Variants in PRH1 observed in about 807,000 individuals in gnomAD.
PRH1 encodes salivary acidic proline-rich phosphoprotein 1/2.
A neutral mutation model predicts 7.9 loss-of-function variants in PRH1; 7 were observed. That is an observed-to-expected ratio of 0.89 (90% CI 0.50 to 1.67). The LOEUF (loss-of-function observed/expected upper bound fraction) is 1.67. PRH1 is among the 40% of genes most tolerant of loss of function. The pLI is 0.00. For synonymous variants in PRH1, 45 were observed against 80.8 expected (o/e 0.56, Z 2.38); for missense variants, 109 against 223.6 (o/e 0.49, Z 3.27).
chr12:11,097,828 C>T (rs1266166873), intron 1 of PRH1, among the ~76,000 whole-genome samples: 1 of 112,406 alleles, frequency 8.9e-6, no homozygotes, highest in African/African-American at 3.0e-5. Context: ...TGGAGCTCAG[C>T]GTGATGAGAG....
At chr12:11,028,589 C>G (rs1417081071) in intron 1 of PRH1, among the ~76,000 whole-genome samples, 1 of 152,156 alleles carries the variant, frequency 6.6e-6, no homozygotes, top group Non-Finnish European at 1.5e-5. Context: ...GTTACTAACT[C>G]AATTTTTTGA....
intron 1 of PRH1, among the ~76,000 whole-genome samples, chr12:11,144,813 T>C (rs1352332376): frequency 1.3e-5 from 2 of 152,184 alleles, no homozygotes; most frequent in Non-Finnish European, 2.9e-5. Flanking sequence ...CTCTCTAACT[T>C]AACTCAGCTC....
chr12:11,148,381 T>C (rs890558466), intron 1 of PRH1, among the ~76,000 whole-genome samples: 3 of 149,916 alleles, frequency 2.0e-5, no homozygotes, highest in Non-Finnish European at 4.5e-5. Context: ...TCAAAGGGAA[T>C]GCTTCCAGTT....
At chr12:10,952,006 C>T (rs79474658) in intron 2 of PRH1, among the ~76,000 whole-genome samples, 1 of 152,072 alleles carries the variant, frequency 6.6e-6, no homozygotes, top group Non-Finnish European at 1.5e-5. Context: ...TTTACAACAG[C>T]CTTAGGATAG....
chr12:11,100,777 C>A (rs956471023), intron 1 of PRH1, among the ~76,000 whole-genome samples: 1 of 152,080 alleles, frequency 6.6e-6, no homozygotes, highest in Non-Finnish European at 1.5e-5. Flanking sequence ...CAAACATACT[C>A]AAAGATCAGG....
chr12:11,073,133 T>G (rs1944150530), intron 1 of PRH1, among the ~76,000 whole-genome samples: 1 of 113,192 alleles, frequency 8.8e-6, no homozygotes. Flanking sequence ...CATTTATTTA[T>G]TTATATATTT....
At chr12:11,139,281 ATGTT>A (rs1396359046) in intron 1 of PRH1, among the ~76,000 whole-genome samples, 1 of 152,186 alleles carries the variant, frequency 6.6e-6, no homozygotes, top group Admixed American at 6.5e-5. Flanking sequence ...ATTAACATTG[ATGTT>A]ACCAAACCTT....
intron 1 of PRH1, among the ~76,000 whole-genome samples, chr12:10,980,129 A>C (rs1368147069): frequency 6.6e-6 from 1 of 152,210 alleles, no homozygotes; most frequent in African/African-American, 2.4e-5. Context: ...AGTAAGAGCC[A>C]AAAGAGAAAG....
rs111319462 is a variant in PRH1 at position 11,063,770 on chromosome 12, G to A, written n.124-16582C>T. Among the ~76,000 whole-genome samples the A allele has an allele frequency of 1.0e-2, 1,519 of 152,172 alleles. 15 individuals are homozygous for A. Among genetic ancestry groups the A allele is most frequent in the Middle Eastern group, 0.017 (5 of 294 alleles). The stretch of plus-strand genomic sequence containing the variant: ...GTGAGGTCGATAATTAAGGCTAGAA[G>A]AAATCCATTGGAAAGTTCTGGGGTT... On this transcript the variant is annotated intron_variant and non_coding_transcript_variant, in intron 1 of 4. Transcript: ENST00000541977.
chr12:11,167,694 C>T (rs1205120236), intron 1 of PRH1, among the ~76,000 whole-genome samples: 1 of 152,134 alleles, frequency 6.6e-6, no homozygotes, highest in Non-Finnish European at 1.5e-5. Flanking sequence ...GATCCACCCA[C>T]CTCAGCCTCC....
At chr12:11,047,435 CAA>C (rs1942943025), upstream of PRH1, among the ~76,000 whole-genome samples, 5 of 147,874 alleles carry the variant, frequency 3.4e-5, no homozygotes, top group Admixed American at 3.4e-4. Context: ...GAATGGGAGA[CAA>C]AGGGAAAATT....
intron 1 of PRH1, among the ~76,000 whole-genome samples, chr12:11,013,847 G>C (rs768581288): frequency 8.6e-5 from 13 of 151,986 alleles, no homozygotes; most frequent in Non-Finnish European, 1.3e-4. Context: ...TCCCACCTTG[G>C]CCTCCCAAGT....
rs1434220246 is a variant in PRH1, at chr12:11,074,083, G to A, written n.124-26895C>T. Among the ~76,000 whole-genome samples the A allele has an allele frequency of 2.8e-5, 3 of 107,394 alleles. 1 individual carries two copies. The highest frequency in any genetic ancestry group is 9.3e-5 in the African/African-American group (3 of 32,428). 70.5% of individuals were successfully genotyped at this position (107,394 alleles called of 152,430 possible). A position where few individuals can be genotyped will look rare whatever the true frequency, so the allele number is the denominator to read the frequency against. On this transcript the variant is annotated intron_variant and non_coding_transcript_variant, in intron 1 of 4. Transcript: ENST00000541977. Reference sequence around the variant, plus strand: ...AACATGTGCTTCCTCAGATTCCCTTGACTCTCTCCTGTTCCCATGGTCAGC... The same window carrying A: ...AACATGTGCTTCCTCAGATTCCCTTAACTCTCTCCTGTTCCCATGGTCAGC...
At chr12:10,986,915 T>C in intron 1 of PRH1, 1 of 1,257,562 alleles carries the variant, frequency 8.0e-7, no homozygotes, top group Non-Finnish European at 1.1e-6. Context: ...GGTTGTGATT[T>C]CTTTAATACT....
chr12:10,929,375 G>T, intron 2 of PRH1: 1 of 1,612,842 alleles, frequency 6.2e-7, no homozygotes, highest in Non-Finnish European at 8.5e-7. Context: ...GACTCTGATT[G>T]GGGTTTACGG....
chr12:10,985,874 C>T, intron 1 of PRH1: 1 of 1,327,220 alleles, frequency 7.5e-7, no homozygotes. Context: ...TAAAATGTTC[C>T]AGACACTATC....
chr12:11,142,187 T>C (rs1946720290), intron 1 of PRH1, among the ~76,000 whole-genome samples: 2 of 152,204 alleles, frequency 1.3e-5, no homozygotes, highest in Admixed American at 6.5e-5. Flanking sequence ...GCCAAAATTA[T>C]ATTTTCAATT....
chr12:11,029,276 A>T (rs1942065998), intron 1 of PRH1, among the ~76,000 whole-genome samples: 1 of 152,290 alleles, frequency 6.6e-6, no homozygotes, highest in African/African-American at 2.4e-5. Flanking sequence ...CTATTAAAGA[A>T]TATGTCAACA....
chr12:11,029,507 G>T (rs1294719926), intron 1 of PRH1, among the ~76,000 whole-genome samples: 1 of 152,200 alleles, frequency 6.6e-6, no homozygotes, highest in Non-Finnish European at 1.5e-5. Flanking sequence ...GGAAGGTAAG[G>T]ATATAATTAG....
Sources: allele counts gnomAD v4.1 joint callset (sites outside exome capture counted in the v4.1 genomes callset), GRCh38; gene constraint gnomAD v4.1.1; transcripts MANE v1.5; gene names NCBI Gene and HGNC (gene_info 2026-07-23, HGNC 2026-07-21).